The following ROBO1 variants were observed in gnomAD, a reference collection of about 807,000 sequenced individuals.
The protein encoded by ROBO1 is roundabout guidance receptor 1, also known as roundabout homolog 1.
Under a neutral mutation model 195.9 loss-of-function variants are expected in ROBO1, and 149 were observed. That is an observed-to-expected ratio of 0.76 (90% confidence interval 0.67 to 0.87). ROBO1 has a LOEUF of 0.87. Ranked by LOEUF, ROBO1 falls within the 40% of genes least tolerant of loss-of-function variation. The pLI is 0.00. For missense variants in ROBO1, 1,933 were observed against 2,068.3 expected, an observed-to-expected ratio of 0.93 and a Z score of 1.27; for synonymous variants, 816 against 733.2, an observed-to-expected ratio of 1.11 and a Z score of -1.82.
intron 26 of ROBO1, among the ~76,000 whole-genome samples, chr3:78,620,883 A>ATATATGTGTGTGTG (rs368794312): frequency 1.4e-5 from 2 of 144,624 alleles, no homozygotes; most frequent in African/African-American, 5.1e-5. Flanking sequence ...ATATATATAT[A>ATATATGTGTGTGTG]TGTGTGTGTG....
At chr3:79,210,535 A>G (rs1007523149) in intron 2 of ROBO1, among the ~76,000 whole-genome samples, 8 of 152,138 alleles carry the variant, frequency 5.3e-5, no homozygotes, top group African/African-American at 1.9e-4. Context: ...TAGTTGAAGA[A>G]CTACAATTTT....
chr3:78,790,861 T>C (rs1386864662), intron 4 of ROBO1, among the ~76,000 whole-genome samples: 2 of 152,172 alleles, frequency 1.3e-5, no homozygotes, highest in African/African-American at 2.4e-5. Flanking sequence ...GTCACATATG[T>C]AGACCTAATT....
chr3:78,973,595 A>G (rs1306084280), intron 3 of ROBO1, among the ~76,000 whole-genome samples: 1 of 145,624 alleles, frequency 6.9e-6, no homozygotes, highest in Non-Finnish European at 1.5e-5. Flanking sequence ...ATATATATAT[A>G]TATAGCTTCT....
chr3:79,204,159 T>C (rs2081821004), intron 2 of ROBO1, among the ~76,000 whole-genome samples: 1 of 152,192 alleles, frequency 6.6e-6, no homozygotes, highest in Non-Finnish European at 1.5e-5. Flanking sequence ...TGTGTAGTGA[T>C]CAAATCAGAG....
At chr3:78,941,347 C>CA (rs1210078193) in intron 3 of ROBO1, among the ~76,000 whole-genome samples, 3 of 152,090 alleles carry the variant, frequency 2.0e-5, no homozygotes, top group Non-Finnish European at 2.9e-5. Context: ...AAGTGAAATT[C>CA]AGATTGGATT....
At chr3:79,562,116 T>G (rs1203368806) in intron 2 of ROBO1, among the ~76,000 whole-genome samples, 1 of 152,140 alleles carries the variant, frequency 6.6e-6, no homozygotes, top group Admixed American at 6.6e-5. Context: ...GGCTATTTTT[T>G]TGTGAGGAAG....
rs547236145 is a variant in ROBO1, at chr3:79,729,727, C to T, written c.-51+38025G>A. 6.6e-5 allele frequency among the ~76,000 whole-genome samples: 10 copies of T among 152,266 alleles called. No individual in the cohort carries two copies. The East Asian group carries it at 1.9e-3, about 29-fold the overall frequency. ...AGGGAAGGAGATTGGAAAGAAAAAA[C>T]CTATACACACAAACTGTTTGCCACT... On this transcript the variant is annotated intron_variant, in intron 1 of 30. Coordinates refer to ENST00000464233, the MANE Select transcript of ROBO1 (RefSeq NM_002941.4).
chr3:79,422,643 T>G (rs2038274997), intron 2 of ROBO1, among the ~76,000 whole-genome samples: 2 of 152,110 alleles, frequency 1.3e-5, no homozygotes, highest in African/African-American at 4.8e-5. Context: ...AAGAATGGTC[T>G]TATGAGAAAT....
At chr3:79,394,546 A>G (rs550683718) in intron 2 of ROBO1, among the ~76,000 whole-genome samples, 18 of 152,194 alleles carry the variant, frequency 1.2e-4, no homozygotes, top group Admixed American at 6.5e-4. Flanking sequence ...AAATATAGAT[A>G]CATGTATTCT....
chr3:78,903,368 C>T lies in ROBO1; in HGVS notation c.499+35233G>A, dbSNP rs184463623. Among the ~76,000 whole-genome samples the T allele has an allele frequency of 2.0e-4, 30 of 151,796 alleles. No individual in the cohort carries two copies. In the East Asian group the frequency reaches 5.6e-3, roughly 28 times the overall value. ...TTTGAAGTTTTGCCCTGTGACACACCCATACCCAACACCTGCCTTCCAACT... is the reference window on the plus strand; with the variant it reads ...TTTGAAGTTTTGCCCTGTGACACACTCATACCCAACACCTGCCTTCCAACT... On this transcript the variant is annotated intron_variant, in intron 4 of 30. Coordinates refer to ENST00000464233, the MANE Select transcript of ROBO1 (RefSeq NM_002941.4).
intron 2 of ROBO1, among the ~76,000 whole-genome samples, chr3:79,245,019 CAT>C (rs1439886776): frequency 2.6e-5 from 4 of 152,062 alleles, no homozygotes; most frequent in African/African-American, 7.2e-5. Context: ...GACTACCACA[CAT>C]GATTAAAATG....
At chr3:79,514,335 C>T (rs568888576) in intron 2 of ROBO1, among the ~76,000 whole-genome samples, 3 of 152,266 alleles carry the variant, frequency 2.0e-5, no homozygotes, top group Admixed American at 2.0e-4. Context: ...GAATTTCTCT[C>T]ATATTTTTAC....
chr3:79,451,700 TACTATCAA>T (rs2039446611), intron 2 of ROBO1, among the ~76,000 whole-genome samples: 1 of 152,056 alleles, frequency 6.6e-6, no homozygotes, highest in South Asian at 2.1e-4. Flanking sequence ...TGGTGAAGGT[TACTATCAA>T]ACAACCAGTA....
chr3:78,836,523 A>AAAAAAAAT (rs71127364), intron 4 of ROBO1, among the ~76,000 whole-genome samples: 2 of 151,192 alleles, frequency 1.3e-5, no homozygotes, highest in East Asian at 1.9e-4. Context: ...AAAAAAAAAA[A>AAAAAAAAT]TTATTCAAAA....
At chr3:78,637,318 A>G (rs1559678358) in intron 22 of ROBO1, among the ~76,000 whole-genome samples, 1 of 152,126 alleles carries the variant, frequency 6.6e-6, no homozygotes, top group Admixed American at 6.6e-5. Flanking sequence ...GGACTTTGTG[A>G]TTCTTATTTC....
intron 4 of ROBO1, among the ~76,000 whole-genome samples, chr3:78,889,964 T>C (rs2107353309): frequency 6.6e-6 from 1 of 152,186 alleles, no homozygotes; most frequent in African/African-American, 2.4e-5. Flanking sequence ...CAGCGAGGCC[T>C]GCCCTGACTC....
At chr3:79,166,690 C>T (rs74619557) in intron 2 of ROBO1, among the ~76,000 whole-genome samples, 8,110 of 151,720 alleles carry the variant, frequency 0.053, 280 homozygotes, top group Middle Eastern at 0.099. Context: ...CTCAGCCTCC[C>T]GACCAGCTGG....
At chr3:79,627,630 T>TG (rs1318332220) in intron 1 of ROBO1, among the ~76,000 whole-genome samples, 3 of 37,128 alleles carry the variant, frequency 8.1e-5, no homozygotes, top group Non-Finnish European at 5.3e-5. Context: ...GCAAAGACAA[T>TG]AAAACCAAAA....
At chr3:78,675,566 TA>T (rs1708365605) in intron 10 of ROBO1, among the ~76,000 whole-genome samples, 1 of 152,150 alleles carries the variant, frequency 6.6e-6, no homozygotes, top group African/African-American at 2.4e-5. Context: ...CGCTAATTGT[TA>T]GCACAGCAGT....
Sources: gnomAD v4.1 joint callset for allele counts (sites outside exome capture counted in the v4.1 genomes callset) on GRCh38, gnomAD v4.1.1 for gene constraint, MANE v1.5 for transcripts, NCBI Gene and HGNC (gene_info 2026-07-23, HGNC 2026-07-21) for gene names.